Variants in GALNT12 observed in about 807,000 individuals in gnomAD.
GALNT12 encodes polypeptide N-acetylgalactosaminyltransferase 12.
In GALNT12, 45 loss-of-function variants were observed where a neutral mutation model predicts 55.5. The ratio of observed to expected loss-of-function variants is 0.81; its 90% CI spans 0.64 to 1.04. The LOEUF is 1.04. Among genes scored for constraint, GALNT12 ranks in the 50% least tolerant of loss-of-function variants. The probability of loss-of-function intolerance (pLI) is 0.00; values close to 1 mark genes in which losing one functional copy is unlikely to be tolerated. For missense variants in GALNT12, 709 were observed against 754.8 expected, an observed-to-expected ratio of 0.94 and a Z score of 0.71; for synonymous variants, 304 against 312.2, an observed-to-expected ratio of 0.97 and a Z score of 0.28.
Position 98,826,759 on chromosome 9 carries a change from GAAGGAGCGC to G in GALNT12, c.550_558del (p.Lys184_Arg186del). On this transcript the variant is annotated inframe_deletion, in exon 3 of 10. Transcript: ENST00000375011. ...CTTTGTTTGCCTCCCTAGAGCACCT[GAAGGAGCGC>G]TTGGCCAATGAGCTTTCGGGACTGC... 2 of 1,611,250 alleles carry G rather than the reference GAAGGAGCGC, an allele frequency of 1.2e-6. No individual in the cohort carries two copies. Among genetic ancestry groups the G allele is most frequent in the Non-Finnish European group, 1.7e-6 (2 of 1,179,716 alleles).
chr9:98,826,819 C>T lies in GALNT12; in HGVS notation c.609C>T (p.Asn203=). 1.9e-6 allele frequency: 3 copies of T among 1,612,196 alleles called. No individual in the cohort carries two copies. The highest frequency in any genetic ancestry group is 2.5e-6 in the Non-Finnish European group (3 of 1,179,696). Residue 203 remains asparagine, a synonymous_variant, in exon 3 of 10, where the codon AAC becomes AAT. Transcript: ENST00000375011. The part of the protein sequence containing the change: ...GLPKVRLIRA[N]KREGLVRARL... ...CCAAGGTGCGCCTGATCCGCGCCAA[C>T]AAGAGAGAGGGCCTGGTGCGAGCCC...
rs529057374 is a variant in GALNT12, at chr9:98,812,212, A to G, written c.371+4143A>G. On this transcript the variant is annotated intron_variant, in intron 1 of 9. Coordinates refer to ENST00000375011, the MANE Select transcript of GALNT12 (RefSeq NM_024642.5). ...TTCAATTTCGGTTAGTATTTTCCTG[A>G]TACCTTTTTCTTTCACTCATTCTGT... Among the ~76,000 whole-genome samples the G allele has an allele frequency of 7.9e-4, 120 of 152,150 alleles. 1 individual carries two copies. The highest frequency in any genetic ancestry group is 2.8e-3 in the African/African-American group (116 of 41,490).
Position 98,807,831 on chromosome 9 carries a change from G to A in GALNT12, c.133G>A (p.Ala45Thr), listed in dbSNP as rs1835409244. 2.0e-6 allele frequency: 2 copies of A among 1,019,220 alleles called. No homozygotes were observed. The highest frequency in any genetic ancestry group is 1.2e-6 in the Non-Finnish European group (1 of 854,274). 63.1% of individuals were successfully genotyped at this position (1,019,220 alleles called of 1,614,324 possible). The change falls in exon 1 of 10, where the codon GCC becomes ACC. Residue 45 changes from alanine to threonine, a missense_variant. Transcript: ENST00000375011. ...GCTGCGGGCGCAGCGTGGGGCCGGGGCCGGGGCTGCCGAGCCGGGACCCCC... is the reference window on the plus strand; with the variant it reads ...GCTGCGGGCGCAGCGTGGGGCCGGGACCGGGGCTGCCGAGCCGGGACCCCC... The part of the protein sequence containing the change: ...SVLRAQRGAG[A>T]GAAEPGPPRT...
Position 98,848,874 on chromosome 9 carries a change from C to T in GALNT12, c.1606-78C>T, listed in dbSNP as rs956889773. 10 of 1,550,664 alleles carry T rather than the reference C, an allele frequency of 6.4e-6. No homozygotes were observed. The African/African-American group carries it at 9.5e-5, about 15-fold the overall frequency. ...ATTTCTGAAATGGTAAAAATCAGAC[C>T]CTGATCTCTTTAAAACATGTCTTTA... On this transcript the variant is annotated intron_variant, in intron 9 of 9. Coordinates refer to ENST00000375011, the MANE Select transcript of GALNT12 (RefSeq NM_024642.5).
intron 1 of GALNT12, among the ~76,000 whole-genome samples, chr9:98,811,254 G>C (rs1416897177): frequency 6.6e-6 from 1 of 152,210 alleles, no homozygotes; most frequent in Admixed American, 6.5e-5. Context: ...GTCAAATGTA[G>C]TTCAAGCCAG....
At position 98,823,302 on chromosome 9, in the gene GALNT12, GTT is replaced by G; in HGVS notation, c.419_420del (p.Val140AspfsTer6). 1 of 1,614,114 alleles carries G rather than the reference GTT, an allele frequency of 6.2e-7. No individual in the cohort carries two copies. The highest frequency in any genetic ancestry group is 1.3e-5 in the African/African-American group (1 of 75,066). ...YDYDNLPRTS[V>X]IIAFYNEAWS... ...TTATGATAATTTGCCCAGGACATCT[GTT>G]ATCATAGCATTTTATAATGAAGCCT... On this transcript the variant is annotated frameshift_variant, in exon 2 of 10. Coordinates refer to ENST00000375011, the MANE Select transcript of GALNT12 (RefSeq NM_024642.5). LOFTEE classifies it high-confidence loss of function.
chr9:98,808,893 CT>C lies in GALNT12; in HGVS notation c.371+830del, dbSNP rs781488012. 1.1e-4 allele frequency among the ~76,000 whole-genome samples: 16 copies of C among 152,314 alleles called. No homozygotes were observed. The East Asian group carries it at 1.2e-3, about 11-fold the overall frequency. On this transcript the variant is annotated intron_variant, in intron 1 of 9. Coordinates refer to ENST00000375011, the MANE Select transcript of GALNT12 (RefSeq NM_024642.5). ...CGAAGTGTCAGGGATCTTCCAAGTC[CT>C]TTTTTGAGCCCCTTCCTTACAGACT...
At chr9:98,846,223 AG>A in intron 9 of GALNT12, 100 bp downstream of exon 9, 1 of 1,472,226 alleles carries the variant, frequency 6.8e-7, no homozygotes, top group Non-Finnish European at 9.5e-7. Flanking sequence ...GGTGAGGATC[AG>A]GGATGTGGCC....
intron 1 of GALNT12, among the ~76,000 whole-genome samples, chr9:98,817,453 G>GT (rs906677004): frequency 7.9e-5 from 12 of 151,818 alleles, no homozygotes; most frequent in Admixed American, 4.6e-4. Flanking sequence ...GTTTCTTTTT[G>GT]TTTTTTTGTT....
chr9:98,849,182 C>A lies in GALNT12; in HGVS notation c.*90C>A, dbSNP rs1836493601. The A allele has an allele frequency of 6.6e-6, 9 of 1,362,280 alleles. No homozygotes were observed. In the East Asian group the frequency reaches 2.1e-4, roughly 31 times the overall value. The allele number at this position is 1,362,280 out of a possible 1,614,324, so 84.4% of individuals were successfully genotyped here. ...TTAGCTAAGCAGTGACCAGAACCCA[C>A]CAAAAACTAGGCTGCATTGCTTTGA... On this transcript the variant is annotated 3_prime_UTR_variant, in exon 10 of 10. Coordinates refer to ENST00000375011, the MANE Select transcript of GALNT12 (RefSeq NM_024642.5).
At chr9:98,848,695 T>C in intron 9 of GALNT12, 2 of 527,390 alleles carry the variant, frequency 3.8e-6, no homozygotes, top group Admixed American at 3.1e-5. Context: ...AATAGGGAGA[T>C]GTAGGGTATG....
chr9:98,821,665 A>G (rs1056000765), intron 1 of GALNT12, among the ~76,000 whole-genome samples: 3 of 149,834 alleles, frequency 2.0e-5, no homozygotes, highest in Non-Finnish European at 4.4e-5. Context: ...GTAAAATAAA[A>G]GAGGAAAAAA....
At position 98,831,829 on chromosome 9, in the gene GALNT12, C is replaced by T. The variant is rs2118414022; in HGVS notation, c.789C>T (p.Asn263=). The change falls in exon 4 of 10, where the codon AAC becomes AAT. Residue 263 remains asparagine, a synonymous_variant. Coordinates refer to ENST00000375011, the MANE Select transcript of GALNT12 (RefSeq NM_024642.5). The part of the protein sequence containing the change: ...VCPVIDVIDW[N]TFEYLGNSGE... ...CGGTGATTGATGTGATCGACTGGAACACCTTCGAATACCTGGGGAACTCCG... is the reference window on the plus strand; with the variant it reads ...CGGTGATTGATGTGATCGACTGGAATACCTTCGAATACCTGGGGAACTCCG... The T allele has an allele frequency of 6.2e-7, 1 of 1,614,194 alleles. No individual in the cohort carries two copies. The highest frequency in any genetic ancestry group is 8.5e-7 in the Non-Finnish European group (1 of 1,180,040).
Position 98,849,813 on chromosome 9 carries a change from T to C in GALNT12, c.*721T>C. The stretch of plus-strand genomic sequence containing the variant: ...ACTGTAGTGTGGCTGGTTCTACCAC[T>C]ATGACTTTAAAACATGTTTATATCA... On this transcript the variant is annotated 3_prime_UTR_variant, in exon 10 of 10. Coordinates refer to ENST00000375011, the MANE Select transcript of GALNT12 (RefSeq NM_024642.5). 2.6e-6 allele frequency: 1 copy of C among 383,970 alleles called. No homozygotes were observed. The allele number at this position is 383,970 out of a possible 1,614,324, so 23.8% of individuals were successfully genotyped here. A position where few individuals can be genotyped will look rare whatever the true frequency, so the allele number is the denominator to read the frequency against.
At chr9:98,837,223 T>C (rs1195293893) in intron 6 of GALNT12, 75 bp downstream of exon 6, 2 of 1,387,598 alleles carry the variant, frequency 1.4e-6, no homozygotes, top group East Asian at 2.3e-5. Context: ...TTCCCCAACA[T>C]AGTCGATCTG....
At chr9:98,832,929 A>G (rs545340771) in intron 4 of GALNT12, among the ~76,000 whole-genome samples, 15 of 152,262 alleles carry the variant, frequency 9.9e-5, no homozygotes, top group African/African-American at 3.6e-4. Flanking sequence ...ACATCGGTGT[A>G]CTTTTATCTG....
In GALNT12 at chr9:98,849,785, C is replaced by T. The variant is rs1037070477; in HGVS notation, c.*693C>T. On this transcript the variant is annotated 3_prime_UTR_variant, in exon 10 of 10. Transcript: ENST00000375011. ...CTTGAGAGCGAACTTCTAACAATGC[C>T]GCACTGTAGTGTGGCTGGTTCTACC... is the stretch of plus-strand genomic sequence containing the variant. The T allele has an allele frequency of 5.1e-6, 2 of 392,558 alleles. No individual in the cohort carries two copies. The highest frequency in any genetic ancestry group is 9.0e-6 in the Non-Finnish European group (2 of 223,190). 24.3% of individuals were successfully genotyped at this position (392,558 alleles called of 1,614,324 possible).
At chr9:98,830,380 C>T (rs1272409715) in intron 3 of GALNT12, among the ~76,000 whole-genome samples, 2 of 152,204 alleles carry the variant, frequency 1.3e-5, no homozygotes, top group African/African-American at 4.8e-5. Flanking sequence ...ATCAGGGAGG[C>T]CAAGTATCCT....
chr9:98,826,709 G>A (rs1163651435), intron 2 of GALNT12, 43 bp from the exon 3 acceptor site: 17 of 1,590,126 alleles, frequency 1.1e-5, no homozygotes, highest in East Asian at 9.1e-5. Flanking sequence ...GCGCTCCTCC[G>A]AGATTGTCAC....
Sources: gnomAD v4.1 joint callset for allele counts (sites outside exome capture counted in the v4.1 genomes callset) on GRCh38, gnomAD v4.1.1 for gene constraint, MANE v1.5 for transcripts, NCBI Gene and HGNC (gene_info 2026-07-23, HGNC 2026-07-21) for gene names.